DGCR8: variants seen among roughly 807,000 people sequenced by gnomAD.
DGCR8 encodes microprocessor complex subunit DGCR8.
In DGCR8, 14 loss-of-function variants were observed where a neutral mutation model predicts 78.5. The observed-to-expected ratio is 0.18, with a 90% CI of 0.12 to 0.28. The LOEUF is 0.28. Among genes scored for constraint, DGCR8 ranks in the 10% least tolerant of loss-of-function variants. The pLI is 1.00. For synonymous variants in DGCR8, 399 were observed against 402.4 expected, an observed-to-expected ratio of 0.99 and a Z score of 0.10; for missense variants, 702 against 1,022.5, an observed-to-expected ratio of 0.69 and a Z score of 4.28.
Position 20,086,438 on chromosome 22 carries a change from G to C in DGCR8, c.475G>C (p.Val159Leu), listed in dbSNP as rs1385585441. The stretch of plus-strand genomic sequence containing the variant: ...GCTCCTTAGCCCTGTCAGTGGGGAC[G>C]TGCATGCTTGTCCCTTTGGCGGGAG... ...GLLLSPVSGDVHACPFGGSVG... is the reference protein window; with the variant it reads ...GLLLSPVSGDLHACPFGGSVG... The change falls in exon 2 of 14, where the codon GTG becomes CTG. Residue 159 changes from valine to leucine, a missense_variant. By Grantham distance (32) the Val-to-Leu change is conservative. Transcript: ENST00000351989. This position sits in a 1 kb window ranked among gnomAD's most constrained non-coding sequence, Gnocchi z 6.4. The C allele has an allele frequency of 6.2e-7, 1 of 1,613,890 alleles. No homozygotes were observed. The highest frequency in any genetic ancestry group is 8.5e-7 in the Non-Finnish European group (1 of 1,180,026).
chr22:20,089,163 G>A lies in DGCR8; in HGVS notation c.881-506G>A, dbSNP rs2049523936. Among the ~76,000 whole-genome samples, 1 of 152,238 alleles carries A rather than the reference G, an allele frequency of 6.6e-6. No individual in the cohort carries two copies. The highest frequency in any genetic ancestry group is 2.1e-4 in the South Asian group (1 of 4,836). ...CTGCCTATAAAGCAAAGAAGGGGTTGGGAGTAGTGTATTAAACCAACTTAG... is the reference window on the plus strand; with the variant it reads ...CTGCCTATAAAGCAAAGAAGGGGTTAGGAGTAGTGTATTAAACCAACTTAG... On this transcript the variant is annotated intron_variant, in intron 3 of 13. Transcript: ENST00000351989. This position sits in a 1 kb window ranked among gnomAD's most constrained non-coding sequence, Gnocchi z 4.9.
intron 3 of DGCR8, among the ~76,000 whole-genome samples, chr22:20,088,535 C>T (rs1033031222): frequency 3.9e-5 from 6 of 152,162 alleles, no homozygotes; most frequent in African/African-American, 1.2e-4. Context: ...TGCTTGGCTC[C>T]GTATTCCCTT....
chr22:20,080,452 C>A, intron 1 of DGCR8, 69 bp downstream of exon 1: 1 of 981,682 alleles, frequency 1.0e-6, no homozygotes, highest in Non-Finnish European at 1.2e-6. Flanking sequence ...GAGGGCGCGC[C>A]CTTCCCTCCC....
Position 20,086,697 on chromosome 22 carries a change from C to T in DGCR8, c.720+14C>T. On this transcript the variant is annotated intron_variant, in intron 2 of 13. Coordinates refer to ENST00000351989, the MANE Select transcript of DGCR8 (RefSeq NM_022720.7). The surrounding 1 kb of genome is among the most constrained non-coding windows in gnomAD (Gnocchi z 6.4). The stretch of plus-strand genomic sequence containing the variant: ...TTCCCCTACGAGGTATGTTGGCAGC[C>T]CCTCCTCTAGAGGGCTCTTAGCAAA... 1 of 1,596,418 alleles carries T rather than the reference C, an allele frequency of 6.3e-7. No individual in the cohort carries two copies.
chr22:20,090,901 C>T (rs192009861), intron 5 of DGCR8, among the ~76,000 whole-genome samples: 4 of 152,300 alleles, frequency 2.6e-5, no homozygotes, highest in Admixed American at 1.3e-4. Flanking sequence ...CTCATAACTC[C>T]GTGGAGTGTG....
intron 9 of DGCR8, among the ~76,000 whole-genome samples, chr22:20,104,479 T>G (rs1020211662): frequency 6.6e-6 from 1 of 152,214 alleles, no homozygotes; most frequent in African/African-American, 2.4e-5. Flanking sequence ...CGTCGGTCTT[T>G]TGCCAGAAAC....
chr22:20,096,569 T>C, intron 9 of DGCR8: 1 of 745,600 alleles, frequency 1.3e-6, no homozygotes, highest in Non-Finnish European at 1.6e-6. Flanking sequence ...TTAAACTATA[T>C]AAGTGGATTT....
chr22:20,089,834 C>CT lies in DGCR8; in HGVS notation c.1023+26dup, dbSNP rs1249677827. On this transcript the variant is annotated intron_variant, in intron 4 of 13. Coordinates refer to ENST00000351989, the MANE Select transcript of DGCR8 (RefSeq NM_022720.7). This position sits in a 1 kb window ranked among gnomAD's most constrained non-coding sequence, Gnocchi z 4.9. The stretch of plus-strand genomic sequence containing the variant: ...CGGGTAGGGGAGGCATCAGTCGTGA[C>CT]TTTAGGCTTGTAAGTTCTCAGACCA... 6.2e-7 allele frequency: 1 copy of CT among 1,611,984 alleles called. No individual in the cohort carries two copies. Among genetic ancestry groups the CT allele is most frequent in the Admixed American group, 1.7e-5 (1 of 59,706 alleles).
rs757912416 is a variant in DGCR8 at position 20,085,960 on chromosome 22, T to C, written c.-4T>C. 1 of 1,558,814 alleles carries C rather than the reference T, an allele frequency of 6.4e-7. No homozygotes were observed. Among genetic ancestry groups the C allele is most frequent in the East Asian group, 2.3e-5 (1 of 44,368 alleles). ...CTTGTAAACTAGTCTTAAGCGCTTT[T>C]AATATGGAGACAGATGAGAGCCCCT... On this transcript the variant is annotated 5_prime_UTR_variant, in exon 2 of 14. Transcript: ENST00000351989. The surrounding 1 kb of genome is among the most constrained non-coding windows in gnomAD (Gnocchi z 6.2).
At chr22:20,106,568 T>TGAGC in intron 10 of DGCR8, 24 bp from the exon 11 acceptor site, 2 of 1,558,864 alleles carry the variant, frequency 1.3e-6, no homozygotes, top group Non-Finnish European at 1.8e-6. Flanking sequence ...GGGGACGCCA[T>TGAGC]CTGTTGTCTG....
chr22:20,083,522 C>T (rs953478182), intron 1 of DGCR8, among the ~76,000 whole-genome samples: 4 of 152,106 alleles, frequency 2.6e-5, no homozygotes, highest in Admixed American at 6.6e-5. Context: ...CTGTGCATTT[C>T]TTCAGTGCCG....
At chr22:20,080,808 T>C (rs1365270161) in intron 1 of DGCR8, 1 of 152,274 alleles carries the variant, frequency 6.6e-6, no homozygotes, top group Non-Finnish European at 1.5e-5. Context: ...ACGTAGATAA[T>C]TGGGATACGG....
intron 13 of DGCR8, chr22:20,109,263 C>T (rs551481616): frequency 1.7e-4 from 65 of 382,564 alleles, no homozygotes; most frequent in African/African-American, 1.3e-3. Context: ...CTTGGTGGGC[C>T]ACCTGAGTCC....
intron 5 of DGCR8, among the ~76,000 whole-genome samples, chr22:20,090,545 T>C (rs756696985): frequency 6.6e-6 from 1 of 152,232 alleles, no homozygotes; most frequent in African/African-American, 2.4e-5. Flanking sequence ...TCTGGTTGTT[T>C]GTATGATCTT....
intron 3 of DGCR8, among the ~76,000 whole-genome samples, chr22:20,088,393 C>T (rs2049514530): frequency 6.6e-6 from 1 of 152,196 alleles, no homozygotes; most frequent in Non-Finnish European, 1.5e-5. Context: ...GGTCAGCAGC[C>T]ATTCTGGCCT....
Position 20,094,881 on chromosome 22 carries a change from G to A in DGCR8, c.1788+86G>A. 2.5e-6 allele frequency: 3 copies of A among 1,207,104 alleles called. No individual in the cohort carries two copies. In the South Asian group the frequency reaches 3.7e-5, roughly 15 times the overall value. The allele number at this position is 1,207,104 out of a possible 1,614,324, so 74.8% of individuals were successfully genotyped here. On this transcript the variant is annotated intron_variant, in intron 9 of 13. Transcript: ENST00000351989. ...TTAGTGTGAGCTGGGGGTGTCCGTG[G>A]GCTGTGCTCATGCCTTCCATGCCCT...
intron 9 of DGCR8, chr22:20,101,028 G>GTTCCTC (rs1488575890): frequency 3.1e-6 from 1 of 325,502 alleles, no homozygotes; most frequent in Non-Finnish European, 4.4e-6. Context: ...AGGGCTGAAA[G>GTTCCTC]TTCCTCCCCT....
chr22:20,101,230 G>T (rs901617002), intron 9 of DGCR8: 26 of 985,254 alleles, frequency 2.6e-5, no homozygotes, highest in Non-Finnish European at 2.9e-5. Context: ...GGTTTAGGGT[G>T]CCTTTTGTAT....
Position 20,089,662 on chromosome 22 carries a change from T to C in DGCR8, c.881-7T>C. ...TGATTATAGGATGTTCTTGTCTTCCTGTGCAGGTCGTGGCCGCCCACCTAC... is the reference window on the plus strand; with the variant it reads ...TGATTATAGGATGTTCTTGTCTTCCCGTGCAGGTCGTGGCCGCCCACCTAC... On this transcript the variant is annotated splice_polypyrimidine_tract_variant and splice_region_variant and intron_variant, in intron 3 of 13. Transcript: ENST00000351989. The surrounding 1 kb of genome is among the most constrained non-coding windows in gnomAD (Gnocchi z 4.9). 6.2e-7 allele frequency: 1 copy of C among 1,613,828 alleles called. No individual in the cohort carries two copies. Among genetic ancestry groups the C allele is most frequent in the South Asian group, 1.1e-5 (1 of 91,070 alleles).
Sources: gnomAD v4.1 joint callset for allele counts (sites outside exome capture counted in the v4.1 genomes callset) on GRCh38, gnomAD v4.1.1 for gene constraint, Gnocchi (gnomAD v3.1) non-coding constraint, MANE v1.5 for transcripts, NCBI Gene and HGNC (gene_info 2026-07-23, HGNC 2026-07-21) for gene names.